Variants in SLC35F1 observed in about 807,000 individuals in gnomAD.
The protein encoded by SLC35F1 is chromosome 6 open reading frame 169.
In SLC35F1, 14 loss-of-function variants were observed where a neutral mutation model predicts 48.7. That is an observed-to-expected ratio of 0.29 (90% CI 0.19 to 0.45). SLC35F1 has a LOEUF of 0.45. Ranked by LOEUF, SLC35F1 falls within the 20% of genes least tolerant of loss-of-function variation. The probability of loss-of-function intolerance (pLI) is 1.00; values close to 1 mark genes in which losing one functional copy is unlikely to be tolerated. For synonymous variants in SLC35F1, 190 were observed against 202.2 expected, an observed-to-expected ratio of 0.94 and a Z score of 0.51; for missense variants, 404 against 500.0, an observed-to-expected ratio of 0.81 and a Z score of 1.83.
chr6:118,067,435 G>C (rs921829457), intron 1 of SLC35F1, among the ~76,000 whole-genome samples: 7 of 152,144 alleles, frequency 4.6e-5, no homozygotes, highest in Non-Finnish European at 2.9e-5. Flanking sequence ...AGAGGGAAAA[G>C]AGAAAAGGTT....
intron 7 of SLC35F1, among the ~76,000 whole-genome samples, chr6:118,294,828 AAAAG>A (rs1244963779): frequency 6.6e-6 from 1 of 152,194 alleles, no homozygotes; most frequent in Non-Finnish European, 1.5e-5. Context: ...ACTAAAAAAA[AAAAG>A]AGAGATTTCA....
intron 1 of SLC35F1, among the ~76,000 whole-genome samples, chr6:118,109,512 G>T (rs1413228023): frequency 1.3e-5 from 2 of 152,100 alleles, no homozygotes; most frequent in African/African-American, 4.8e-5. Context: ...TTCTACATAG[G>T]CAAGCTCAAA....
intron 3 of SLC35F1, among the ~76,000 whole-genome samples, chr6:118,263,171 C>T (rs1023081391): frequency 1.3e-4 from 20 of 152,180 alleles, no homozygotes; most frequent in African/African-American, 4.8e-4. Context: ...ATTCTCCTGC[C>T]TCGGCCTCCC....
intron 1 of SLC35F1, among the ~76,000 whole-genome samples, chr6:118,131,250 A>AT (rs1773707580): frequency 6.6e-6 from 1 of 152,024 alleles, no homozygotes; most frequent in Non-Finnish European, 1.5e-5. Context: ...ATAAAACAAA[A>AT]AAAATCTGTT....
At chr6:118,064,377 A>G (rs546732041) in intron 1 of SLC35F1, among the ~76,000 whole-genome samples, 1 of 152,324 alleles carries the variant, frequency 6.6e-6, no homozygotes, top group South Asian at 2.1e-4. Flanking sequence ...ACACTTGAGG[A>G]ATTGGGAATT....
chr6:118,103,306 AT>A (rs1773284260), intron 1 of SLC35F1, among the ~76,000 whole-genome samples: 1 of 152,180 alleles, frequency 6.6e-6, no homozygotes, highest in South Asian at 2.1e-4. Flanking sequence ...TTTAGGGTAC[AT>A]GTGCACAACG....
At chr6:118,126,319 T>C (rs751701946) in intron 1 of SLC35F1, among the ~76,000 whole-genome samples, 18 of 152,350 alleles carry the variant, frequency 1.2e-4, no homozygotes, top group Admixed American at 2.0e-4. Context: ...CTGAGGGCTC[T>C]GTTCTGTTCC....
At chr6:118,236,403 G>A (rs957454768) in intron 3 of SLC35F1, among the ~76,000 whole-genome samples, 1 of 152,182 alleles carries the variant, frequency 6.6e-6, no homozygotes, top group East Asian at 1.9e-4. Context: ...CCATTGCAAA[G>A]CTCTAGGATA....
At chr6:118,256,071 A>G (rs1478361955) in intron 3 of SLC35F1, among the ~76,000 whole-genome samples, 1 of 152,140 alleles carries the variant, frequency 6.6e-6, no homozygotes, top group Non-Finnish European at 1.5e-5. Flanking sequence ...TCCTGGTCAG[A>G]TTTTCAGATG....
intron 2 of SLC35F1, among the ~76,000 whole-genome samples, chr6:118,178,311 G>A (rs1774522830): frequency 6.6e-6 from 1 of 152,008 alleles, no homozygotes; most frequent in Non-Finnish European, 1.5e-5. Context: ...GTTTCTAGGG[G>A]CCAACCGCTT....
chr6:118,023,822 C>T (rs1777429435), intron 1 of SLC35F1, among the ~76,000 whole-genome samples: 2 of 152,294 alleles, frequency 1.3e-5, no homozygotes, highest in East Asian at 3.9e-4. Context: ...ATGCCGACTT[C>T]TTTGTGCTGT....
chr6:117,978,692 T>G (rs542179127), intron 1 of SLC35F1, among the ~76,000 whole-genome samples: 10 of 152,324 alleles, frequency 6.6e-5, no homozygotes, highest in South Asian at 4.1e-4. Flanking sequence ...TCTCTCTTTG[T>G]CTCATTTAAG....
At chr6:118,047,331 A>C (rs921137785) in intron 1 of SLC35F1, among the ~76,000 whole-genome samples, 1 of 152,176 alleles carries the variant, frequency 6.6e-6, no homozygotes, top group Non-Finnish European at 1.5e-5. Context: ...TGTAGACATA[A>C]AACTTAGGGC....
chr6:118,046,557 A>G (rs1772305343), intron 1 of SLC35F1, among the ~76,000 whole-genome samples: 2 of 152,124 alleles, frequency 1.3e-5, no homozygotes, highest in African/African-American at 4.8e-5. Flanking sequence ...GAATGTACAT[A>G]AGTGTCTAAG....
chr6:117,935,831 C>A (rs891734845), intron 1 of SLC35F1, among the ~76,000 whole-genome samples: 1 of 152,176 alleles, frequency 6.6e-6, no homozygotes. Flanking sequence ...TTTTGCCACT[C>A]TAGATGTATG....
At chr6:117,917,927 A>C (rs897259731) in intron 1 of SLC35F1, among the ~76,000 whole-genome samples, 17 of 151,058 alleles carry the variant, frequency 1.1e-4, no homozygotes, top group African/African-American at 3.9e-4. Context: ...GAAGGATCTG[A>C]AGTAGGAAGG....
intron 3 of SLC35F1, among the ~76,000 whole-genome samples, chr6:118,258,753 T>A (rs1235490785): frequency 6.6e-6 from 1 of 151,960 alleles, no homozygotes; most frequent in African/African-American, 2.4e-5. Context: ...TAAAATATAC[T>A]ACAGAGAAAA....
chr6:117,982,769 G>T (rs1165477725), intron 1 of SLC35F1, among the ~76,000 whole-genome samples: 2 of 152,184 alleles, frequency 1.3e-5, no homozygotes, highest in African/African-American at 4.8e-5. Context: ...TACTCAAAGA[G>T]AATGAATACG....
intron 2 of SLC35F1, among the ~76,000 whole-genome samples, chr6:118,231,263 T>A (rs1172971835): frequency 6.6e-6 from 1 of 152,194 alleles, no homozygotes; most frequent in Non-Finnish European, 1.5e-5. Context: ...AAACTGTAAT[T>A]CTAAAGTTTC....
Sources: gnomAD v4.1 joint callset for allele counts (sites outside exome capture counted in the v4.1 genomes callset) on GRCh38, gnomAD v4.1.1 for gene constraint, MANE v1.5 for transcripts, NCBI Gene and HGNC (gene_info 2026-07-23, HGNC 2026-07-21) for gene names.